Variants in RBFOX2 observed in about 807,000 individuals in gnomAD.
RBFOX2 encodes RNA binding protein fox-1 homolog 2.
In RBFOX2, 10 loss-of-function variants were observed where a neutral mutation model predicts 49.1. The ratio of observed to expected loss-of-function variants is 0.20; its 90% CI spans 0.13 to 0.35. RBFOX2 has a LOEUF of 0.35. RBFOX2 is among the 10% of genes least tolerant of loss of function. The pLI is 1.00. For synonymous variants in RBFOX2, 183 were observed against 187.4 expected, an observed-to-expected ratio of 0.98 and a Z score of 0.19; for missense variants, 323 against 486.9, an observed-to-expected ratio of 0.66 and a Z score of 3.17.
chr22:35,841,880 C>A (rs1044037285), upstream of RBFOX2, among the ~76,000 whole-genome samples: 6 of 152,114 alleles, frequency 3.9e-5, no homozygotes, highest in Admixed American at 2.0e-4. Flanking sequence ...TGGCAACATG[C>A]AGTACCAGGC....
chr22:35,780,985 G>T (rs1945038126), intron 3 of RBFOX2, among the ~76,000 whole-genome samples: 1 of 152,176 alleles, frequency 6.6e-6, no homozygotes, highest in Non-Finnish European at 1.5e-5. Context: ...GGAGAGGAAG[G>T]CAGTATTGAG....
exon 1 of RBFOX2, chr22:35,961,579 G>A (rs2149951927): frequency 7.7e-7 from 1 of 1,303,804 alleles, no homozygotes. Context: ...GGGGTTCCTG[G>A]GCTGGTCCAT....
intron 1 of RBFOX2, among the ~76,000 whole-genome samples, chr22:35,955,218 A>G (rs995351503): frequency 1.3e-5 from 2 of 152,240 alleles, no homozygotes; most frequent in East Asian, 1.9e-4. Context: ...TTTTGATTTC[A>G]GAATACCTTA....
chr22:35,809,876 G>A, exon 2 of RBFOX2: 1 of 1,614,050 alleles, frequency 6.2e-7, no homozygotes, highest in Non-Finnish European at 8.5e-7. Flanking sequence ...CACCGGTCTG[G>A]CCGGCATAGT....
At chr22:35,978,697 G>A (rs980541105) in intron 1 of RBFOX2, among the ~76,000 whole-genome samples, 1 of 152,206 alleles carries the variant, frequency 6.6e-6, no homozygotes, top group South Asian at 2.1e-4. Flanking sequence ...CAAGCTTGAG[G>A]AGTATAATTA....
chr22:35,870,866 T>C (rs2044278547), intron 1 of RBFOX2, among the ~76,000 whole-genome samples: 2 of 152,206 alleles, frequency 1.3e-5, no homozygotes, highest in South Asian at 4.1e-4. Flanking sequence ...ACACATGACA[T>C]GAAATTTAAA....
intron 1 of RBFOX2, among the ~76,000 whole-genome samples, chr22:35,814,509 GA>G (rs1952568244): frequency 6.6e-6 from 1 of 151,788 alleles, no homozygotes; most frequent in South Asian, 2.1e-4. Context: ...AGGAGTTTGA[GA>G]CCAACCTAGG....
chr22:35,838,576 C>T (rs1342696256), intron 1 of RBFOX2, among the ~76,000 whole-genome samples: 2 of 152,152 alleles, frequency 1.3e-5, no homozygotes, highest in African/African-American at 4.8e-5. Context: ...AACAAGCTAG[C>T]GGTTTACTTG....
intron 1 of RBFOX2, among the ~76,000 whole-genome samples, chr22:35,932,731 A>C (rs1035665937): frequency 6.6e-6 from 1 of 152,172 alleles, no homozygotes; most frequent in African/African-American, 2.4e-5. Context: ...AAATACAAAA[A>C]TTAGCCAGGC....
intron 1 of RBFOX2, among the ~76,000 whole-genome samples, chr22:35,935,580 C>T (rs1162266875): frequency 6.6e-6 from 1 of 152,172 alleles, no homozygotes. Flanking sequence ...TTGGTGCTAA[C>T]AAACTTAGTA....
intron 1 of RBFOX2, among the ~76,000 whole-genome samples, chr22:35,961,284 C>A (rs979222100): frequency 6.6e-6 from 1 of 152,146 alleles, no homozygotes; most frequent in African/African-American, 2.4e-5. Context: ...TAAAGGCACA[C>A]ACAAATACTT....
intron 9 of RBFOX2, 36 bp downstream of exon 11, chr22:35,756,069 G>T: frequency 7.6e-7 from 1 of 1,316,262 alleles, no homozygotes. Flanking sequence ...GCTTGTCAGG[G>T]GATGGGGTCG....
intron 1 of RBFOX2, among the ~76,000 whole-genome samples, chr22:35,967,649 T>G (rs966790508): frequency 1.3e-5 from 2 of 152,204 alleles, no homozygotes; most frequent in East Asian, 1.9e-4. Flanking sequence ...TTGTGTTGAG[T>G]GTTTAAATAA....
chr22:35,761,175 C>T (rs372245307), intron 8 of RBFOX2, 27 bp downstream of exon 9: 9 of 1,597,348 alleles, frequency 5.6e-6, no homozygotes, highest in Admixed American at 3.3e-5. Flanking sequence ...AGTCAAAATC[C>T]ATGCCAGGCC....
intron 1 of RBFOX2, among the ~76,000 whole-genome samples, chr22:35,944,089 T>C (rs1192962479): frequency 3.9e-5 from 6 of 152,258 alleles, no homozygotes; most frequent in Non-Finnish European, 7.3e-5. Flanking sequence ...TAAGAGTGGA[T>C]TGAACAACTG....
At chr22:35,818,591 C>A (rs1953706794) in intron 1 of RBFOX2, among the ~76,000 whole-genome samples, 1 of 152,062 alleles carries the variant, frequency 6.6e-6, no homozygotes. Flanking sequence ...CAAGACCAGC[C>A]TGGGCAACAT....
chr22:35,837,542 C>T (rs893912350), intron 1 of RBFOX2, among the ~76,000 whole-genome samples: 1 of 152,052 alleles, frequency 6.6e-6, no homozygotes, highest in Non-Finnish European at 1.5e-5. Flanking sequence ...CACAACACAA[C>T]ACAACCACAG....
chr22:35,840,713 C>A, upstream of RBFOX2: 1 of 717,322 alleles, frequency 1.4e-6, no homozygotes, highest in Non-Finnish European at 1.7e-6. Context: ...TTTAAGGATG[C>A]GATGATGGAA....
intron 4 of RBFOX2, among the ~76,000 whole-genome samples, chr22:35,777,363 A>G (rs937670123): frequency 2.0e-5 from 3 of 152,218 alleles, no homozygotes; most frequent in African/African-American, 7.2e-5. Flanking sequence ...TATAGAACAC[A>G]TTTAGAGGAA....
Sources: allele counts gnomAD v4.1 joint callset (sites outside exome capture counted in the v4.1 genomes callset), GRCh38; gene constraint gnomAD v4.1.1; transcripts MANE v1.5; gene names NCBI Gene and HGNC (gene_info 2026-07-23, HGNC 2026-07-21).